Variants in TNIP1 observed in about 807,000 individuals in gnomAD.
The protein encoded by TNIP1 is TNFAIP3 interacting protein 1.
Under a neutral mutation model 86.6 loss-of-function variants are expected in TNIP1, and 22 were observed. That is an observed-to-expected ratio of 0.25 (90% CI 0.18 to 0.36). TNIP1 has a LOEUF of 0.36. TNIP1 is among the 10% of genes least tolerant of loss of function. TNIP1 has a pLI of 1.00. For synonymous variants in TNIP1, 294 were observed against 313.0 expected, an observed-to-expected ratio of 0.94 and a Z score of 0.64; for missense variants, 709 against 820.6, an observed-to-expected ratio of 0.86 and a Z score of 1.66.
In TNIP1 at chr5:151,052,200, G is replaced by T. The variant is rs369660200; in HGVS notation, c.687C>A (p.Gly229=). The change falls in exon 7 of 18, where the codon GGC becomes GGA. Residue 229 remains glycine (G), a synonymous_variant. Transcript: ENST00000521591. ...NEALKAKLDK[G]LEQRDQAAER... ...CGGCAGCCTGATCCCGCTGTTCCAG[G>T]CCCTTATCCAACTTGGCCTTCAGAG... The T allele has an allele frequency of 6.2e-7, 1 of 1,614,006 alleles. No homozygotes were observed. Among genetic ancestry groups the T allele is most frequent in the Non-Finnish European group, 8.5e-7 (1 of 1,179,992 alleles).
intron 12 of TNIP1, 75 bp downstream of exon 12, chr5:151,039,022 G>A (rs1758064127): frequency 1.9e-6 from 3 of 1,546,662 alleles, no homozygotes; most frequent in South Asian, 1.2e-5. Context: ...AATGGTTGGG[G>A]GTGCCAGTGA....
chr5:151,056,956 G>A lies in TNIP1; in HGVS notation c.437C>T (p.Ala146Val), dbSNP rs2233289. 16,217 of 1,500,464 alleles carry A rather than the reference G, an allele frequency of 0.011. 123 individuals are homozygous for A. The highest frequency in any genetic ancestry group is 0.024 in the Middle Eastern group (136 of 5,664). 92.9% of individuals were successfully genotyped at this position (1,500,464 alleles called of 1,614,324 possible). ...GTCCTCACGGGGCAGGGGGCCCAGC[G>A]CCTGGAGAGGGAAAGGGCACACGGC... is the stretch of plus-strand genomic sequence containing the variant. Reference protein sequence around the residue: ...PESSSHANAMALGPLPREDGN... With the variant: ...PESSSHANAMVLGPLPREDGN... Residue 146 changes from alanine to valine, a missense_variant and splice_region_variant, in exon 6 of 18, where the codon GCG (alanine) becomes GTG (valine). Physicochemically the swap from Ala to Val is moderately conservative, Grantham distance 64. Coordinates refer to ENST00000521591, the MANE Select transcript of TNIP1 (RefSeq NM_006058.5).
chr5:151,039,719 C>T (rs1309390037), intron 11 of TNIP1, among the ~76,000 whole-genome samples: 2 of 152,206 alleles, frequency 1.3e-5, no homozygotes, highest in East Asian at 1.9e-4. Flanking sequence ...CGATAAACTA[C>T]GGATAATCCC....
At chr5:151,055,309 AG>A (rs1183142376) in intron 6 of TNIP1, among the ~76,000 whole-genome samples, 1 of 152,202 alleles carries the variant, frequency 6.6e-6, no homozygotes, top group Non-Finnish European at 1.5e-5. Flanking sequence ...ATAAACAAGG[AG>A]GGGACTGAAA....
In TNIP1 at chr5:151,072,143, C is replaced by A. The variant is rs1021608368; in HGVS notation, c.-36-7012G>T. Among the ~76,000 whole-genome samples the A allele has an allele frequency of 2.6e-5, 4 of 152,178 alleles. No individual in the cohort carries two copies. In the East Asian group the frequency reaches 7.7e-4, roughly 29 times the overall value. On this transcript the variant is annotated intron_variant, in intron 1 of 17. Transcript: ENST00000521591. ...GTTAGTGGTAGAACAAATAATGCAG[C>A]CTCAATCTGTCAGATTCCAACATCA... is the stretch of plus-strand genomic sequence containing the variant.
intron 11 of TNIP1, among the ~76,000 whole-genome samples, chr5:151,042,236 C>T (rs1156535885): frequency 6.6e-6 from 1 of 152,040 alleles, no homozygotes; most frequent in Non-Finnish European, 1.5e-5. Context: ...TGCCCGGCCA[C>T]CTGCTTAGAT....
intron 1 of TNIP1, among the ~76,000 whole-genome samples, chr5:151,070,573 C>T (rs1284790797): frequency 3.9e-5 from 6 of 152,208 alleles, no homozygotes; most frequent in Non-Finnish European, 8.8e-5. Flanking sequence ...AGCCCTTGAA[C>T]CACGATGCCA....
At chr5:151,076,595 C>T (rs1025141304) in intron 1 of TNIP1, among the ~76,000 whole-genome samples, 15 of 152,192 alleles carry the variant, frequency 9.9e-5, no homozygotes, top group Non-Finnish European at 2.1e-4. Flanking sequence ...AGAAGAAATG[C>T]ACACCTCGTC....
At chr5:151,036,723 T>G in intron 13 of TNIP1, 67 bp downstream of exon 13, 1 of 1,610,704 alleles carries the variant, frequency 6.2e-7, no homozygotes, top group Non-Finnish European at 8.5e-7. Flanking sequence ...CCAAGCCGTC[T>G]GGGCCCTCAG....
chr5:151,030,002 T>C lies in TNIP1; in HGVS notation c.*711A>G, dbSNP rs1373823203. The C allele has an allele frequency of 2.2e-6, 1 of 451,984 alleles. No homozygotes were observed. The highest frequency in any genetic ancestry group is 4.5e-6 in the Non-Finnish European group (1 of 223,140). 28.0% of individuals were successfully genotyped at this position (451,984 alleles called of 1,614,324 possible). A position where few individuals can be genotyped will look rare whatever the true frequency, so the allele number is the denominator to read the frequency against. ...ATTCGTGCAAATAGCTATCCAGGGA[T>C]GGACAGCCACCCTAATCTGGGCTTC... On this transcript the variant is annotated 3_prime_UTR_variant, in exon 18 of 18. Coordinates refer to ENST00000521591, the MANE Select transcript of TNIP1 (RefSeq NM_006058.5).
At chr5:151,049,995 G>A (rs774812630) in intron 7 of TNIP1, 48 bp from the exon 8 acceptor site, 2 of 1,611,548 alleles carry the variant, frequency 1.2e-6, no homozygotes, top group Non-Finnish European at 1.7e-6. Context: ...CCTGAGTTAA[G>A]AAACCTACAG....
intron 13 of TNIP1, among the ~76,000 whole-genome samples, chr5:151,036,395 G>A (rs1409553469): frequency 1.3e-5 from 2 of 152,134 alleles, no homozygotes; most frequent in African/African-American, 4.8e-5. Context: ...AGAGTATCCG[G>A]CTAGAGTTTA....
upstream of TNIP1, among the ~76,000 whole-genome samples, chr5:151,085,776 G>C (rs575034975): frequency 6.6e-6 from 1 of 152,178 alleles, no homozygotes; most frequent in Non-Finnish European, 1.5e-5. Context: ...CATCCTCCTG[G>C]AAGTGGGAAC....
chr5:151,060,217 C>T, intron 5 of TNIP1, 101 bp downstream of exon 5: 1 of 1,265,770 alleles, frequency 7.9e-7, no homozygotes, highest in Non-Finnish European at 1.1e-6. Context: ...CTCCAGGGTA[C>T]CTAAGGGATC....
chr5:151,048,727 G>A (rs1453039332), intron 8 of TNIP1, among the ~76,000 whole-genome samples: 5 of 152,138 alleles, frequency 3.3e-5, no homozygotes, highest in East Asian at 1.9e-4. Context: ...GAGAACAGCC[G>A]AGTCTACAAG....
chr5:151,040,485 C>T (rs1758279801), intron 11 of TNIP1, among the ~76,000 whole-genome samples: 1 of 152,130 alleles, frequency 6.6e-6, no homozygotes, highest in East Asian at 1.9e-4. Flanking sequence ...TGGGCTTTAC[C>T]GAAATTCATC....
chr5:151,084,707 T>C (rs1313679993), upstream of TNIP1, among the ~76,000 whole-genome samples: 1 of 152,118 alleles, frequency 6.6e-6, no homozygotes, highest in Non-Finnish European at 1.5e-5. Context: ...GGGCCTTGGC[T>C]AGGGGAGAAT....
intron 15 of TNIP1, among the ~76,000 whole-genome samples, chr5:151,034,188 A>C (rs767730917): frequency 9.8e-6 from 1 of 101,984 alleles, no homozygotes; most frequent in Non-Finnish European, 2.0e-5. Flanking sequence ...GGGCATGGAA[A>C]GCTGGTACAT....
At chr5:151,060,709 T>G (rs189421712) in intron 4 of TNIP1, among the ~76,000 whole-genome samples, 134 of 152,354 alleles carry the variant, frequency 8.8e-4, no homozygotes, top group Non-Finnish European at 1.7e-3. Context: ...TTTAAATGCT[T>G]TCATGAGCTC....
Sources: gnomAD v4.1 joint callset for allele counts (sites outside exome capture counted in the v4.1 genomes callset) on GRCh38, gnomAD v4.1.1 for gene constraint, MANE v1.5 for transcripts, NCBI Gene and HGNC (gene_info 2026-07-23, HGNC 2026-07-21) for gene names.